The following FHIT variants were observed in gnomAD, a reference collection of about 807,000 sequenced individuals.
The protein encoded by FHIT is bis(5'-adenosyl)-triphosphatase.
FHIT carries 19 observed loss-of-function variants against 17.9 expected under a neutral mutation model. The observed-to-expected ratio is 1.06, with a 90% CI of 0.74 to 1.56. The LOEUF (loss-of-function observed/expected upper bound fraction) is 1.56. Among genes scored for constraint, FHIT ranks in the 40% most tolerant of loss-of-function variants. FHIT has a pLI of 0.00. For synonymous variants in FHIT, 81 were observed against 69.7 expected, an observed-to-expected ratio of 1.16 and a Z score of -0.81; for missense variants, 248 against 189.2, an observed-to-expected ratio of 1.31 and a Z score of -1.82.
intron 4 of FHIT, among the ~76,000 whole-genome samples, chr3:60,618,301 A>G (rs187819965): frequency 6.6e-6 from 1 of 152,252 alleles, no homozygotes; most frequent in East Asian, 1.9e-4. Flanking sequence ...AATTACTCCA[A>G]CATACCATTA....
At position 59,808,612 on chromosome 3, in the gene FHIT, A is replaced by G. The variant is rs751710120; in HGVS notation, c.349-56291T>C. Among the ~76,000 whole-genome samples, 4 of 151,980 alleles carry G rather than the reference A, an allele frequency of 2.6e-5. 1 individual carries two copies. The highest frequency in any genetic ancestry group is 5.9e-5 in the Non-Finnish European group (4 of 67,998). Reference sequence around the variant, plus strand: ...CTGACACACTGCAGACAATCTTCTCACTCAAGCATGTTTGACCTGAACATA... The same window carrying G: ...CTGACACACTGCAGACAATCTTCTCGCTCAAGCATGTTTGACCTGAACATA... On this transcript the variant is annotated intron_variant, in intron 8 of 9. Coordinates refer to ENST00000492590, the MANE Select transcript of FHIT (RefSeq NM_002012.4).
intron 5 of FHIT, among the ~76,000 whole-genome samples, chr3:60,053,472 C>G (rs1170486374): frequency 6.6e-6 from 1 of 150,746 alleles, no homozygotes; most frequent in Non-Finnish European, 1.5e-5. Context: ...CCAAGACATG[C>G]ATTTTGCCTA....
At chr3:60,927,709 A>T (rs1273212876) in intron 3 of FHIT, among the ~76,000 whole-genome samples, 1 of 148,740 alleles carries the variant, frequency 6.7e-6, no homozygotes, top group East Asian at 2.0e-4. Flanking sequence ...CCCGCCCGGC[A>T]GCCGCCCCGT....
intron 5 of FHIT, among the ~76,000 whole-genome samples, chr3:60,148,352 G>C (rs1700325494): frequency 6.6e-6 from 1 of 152,126 alleles, no homozygotes; most frequent in Admixed American, 6.5e-5. Context: ...GCAATTGTTT[G>C]AAAATAGGGA....
At chr3:59,798,552 C>T (rs557440058) in intron 8 of FHIT, among the ~76,000 whole-genome samples, 1 of 152,286 alleles carries the variant, frequency 6.6e-6, no homozygotes, top group Admixed American at 6.5e-5. Flanking sequence ...CAATATTGAT[C>T]AAAGGCCAAG....
chr3:60,641,997 G>A (rs957348790), intron 4 of FHIT, among the ~76,000 whole-genome samples: 1 of 152,086 alleles, frequency 6.6e-6, no homozygotes, highest in Non-Finnish European at 1.5e-5. Flanking sequence ...GTTAGGGGTA[G>A]GGGGTGGGGA....
intron 5 of FHIT, among the ~76,000 whole-genome samples, chr3:60,357,734 C>A (rs900614339): frequency 2.0e-5 from 3 of 152,152 alleles, no homozygotes; most frequent in Non-Finnish European, 4.4e-5. Flanking sequence ...TATTGATACA[C>A]ATATTTAACA....
intron 5 of FHIT, among the ~76,000 whole-genome samples, chr3:60,181,260 C>T (rs1701921285): frequency 6.6e-6 from 1 of 151,794 alleles, no homozygotes; most frequent in Non-Finnish European, 1.5e-5. Context: ...ATTCTCCCAC[C>T]TCAGCCTCCC....
At chr3:61,030,039 A>G (rs978991341) in intron 3 of FHIT, among the ~76,000 whole-genome samples, 55 of 152,170 alleles carry the variant, frequency 3.6e-4, no homozygotes, top group African/African-American at 1.3e-3. Context: ...GTACTATCTC[A>G]GCTAACTGCA....
intron 5 of FHIT, among the ~76,000 whole-genome samples, chr3:60,070,387 C>CA (rs1166635428): frequency 2.0e-5 from 3 of 152,124 alleles, no homozygotes; most frequent in Admixed American, 6.5e-5. Flanking sequence ...CTGGTTCTTT[C>CA]AAAAAATATT....
rs1010262746 is a variant in FHIT at position 60,479,900 on chromosome 3, C to G, written c.103+56960G>C. 2.6e-5 allele frequency among the ~76,000 whole-genome samples: 4 copies of G among 152,162 alleles called. No homozygotes were observed. In the South Asian group the frequency reaches 8.3e-4, roughly 32 times the overall value. ...TAATTGTCTTCCATGAAACCAGTCC[C>G]TGGTGCCAAAAAGGTTGGGGGCTAC... On this transcript the variant is annotated intron_variant, in intron 5 of 9. Coordinates refer to ENST00000492590, the MANE Select transcript of FHIT (RefSeq NM_002012.4).
At chr3:60,507,498 TACA>T (rs1467847734) in intron 5 of FHIT, among the ~76,000 whole-genome samples, 4 of 152,198 alleles carry the variant, frequency 2.6e-5, no homozygotes, top group Non-Finnish European at 5.9e-5. Flanking sequence ...TTTGTTTTTT[TACA>T]ACAACAACAG....
chr3:60,861,573 C>T lies in FHIT; in HGVS notation c.-110-39562G>A, dbSNP rs78464584. ...AACCAGCAGCCCACACTGGCCAAAACATCACCATCATTGCTATCATCATCA... is the reference window on the plus strand; with the variant it reads ...AACCAGCAGCCCACACTGGCCAAAATATCACCATCATTGCTATCATCATCA... On this transcript the variant is annotated intron_variant, in intron 3 of 9. Coordinates refer to ENST00000492590, the MANE Select transcript of FHIT (RefSeq NM_002012.4). Among the ~76,000 whole-genome samples, 1,323 of 152,048 alleles carry T rather than the reference C, an allele frequency of 8.7e-3. 14 individuals are homozygous for T. The highest frequency in any genetic ancestry group is 0.03 in the African/African-American group (1,250 of 41,466).
chr3:60,454,468 TC>T (rs1576682347), intron 5 of FHIT, among the ~76,000 whole-genome samples: 1 of 150,554 alleles, frequency 6.6e-6, no homozygotes, highest in East Asian at 2.0e-4. Context: ...CACTGCAACC[TC>T]CACCTCCTGG....
intron 5 of FHIT, among the ~76,000 whole-genome samples, chr3:60,084,695 T>C (rs1161773635): frequency 1.5e-4 from 23 of 152,134 alleles, no homozygotes; most frequent in Admixed American, 1.2e-3. Context: ...ACTCAGCATA[T>C]AGGTGTTTGG....
chr3:61,166,619 A>G (rs144451433), intron 2 of FHIT, among the ~76,000 whole-genome samples: 1 of 152,296 alleles, frequency 6.6e-6, no homozygotes, highest in East Asian at 1.9e-4. Flanking sequence ...TTCAAGATTA[A>G]CTCAAATCTG....
Position 60,195,958 on chromosome 3 carries a change from A to C in FHIT, c.104-181806T>G, listed in dbSNP as rs183132389. 3.7e-3 allele frequency among the ~76,000 whole-genome samples: 556 copies of C among 152,208 alleles called. 3 individuals are homozygous for C. Among genetic ancestry groups the C allele is most frequent in the African/African-American group, 0.012 (504 of 41,542 alleles). On this transcript the variant is annotated intron_variant, in intron 5 of 9. Transcript: ENST00000492590. ...ACAACTCAGGTGATGCATGCCCTAA[A>C]ATTTCAGGCTTGACTGCTATACAAT...
At chr3:60,297,993 G>A (rs1324471807) in intron 5 of FHIT, among the ~76,000 whole-genome samples, 1 of 152,012 alleles carries the variant, frequency 6.6e-6, no homozygotes, top group Non-Finnish European at 1.5e-5. Flanking sequence ...GTGGCTCACA[G>A]GACTCAGGGA....
intron 5 of FHIT, among the ~76,000 whole-genome samples, chr3:60,053,854 C>T (rs1559587397): frequency 6.6e-6 from 1 of 152,128 alleles, no homozygotes; most frequent in South Asian, 2.1e-4. Context: ...AAACTCCAAA[C>T]GTTCAATAGA....
Sources: gnomAD v4.1 joint callset for allele counts (sites outside exome capture counted in the v4.1 genomes callset) on GRCh38, gnomAD v4.1.1 for gene constraint, MANE v1.5 for transcripts, NCBI Gene and HGNC (gene_info 2026-07-23, HGNC 2026-07-21) for gene names.